RBM22: variants seen among roughly 807,000 people sequenced by gnomAD.
The protein encoded by RBM22 is pre-mRNA-splicing factor RBM22.
RBM22 carries 1 observed loss-of-function variant against 50.1 expected under a neutral mutation model. That is an observed-to-expected ratio of 0.02 (90% CI 0.01 to 0.09). RBM22 has a LOEUF of 0.09. RBM22 is among the 10% of genes least tolerant of loss of function. The pLI, the probability that RBM22 is intolerant of heterozygous loss-of-function variation, is 1.00. For missense variants in RBM22, 264 were observed against 529.3 expected (o/e 0.50, Z 4.92); for synonymous variants, 152 against 179.0 (o/e 0.85, Z 1.20).
chr5:150,700,989 G>C lies in RBM22; in HGVS notation c.-4C>G, dbSNP rs1459651067. 4 of 1,614,116 alleles carry C rather than the reference G, an allele frequency of 2.5e-6. No homozygotes were observed. Among genetic ancestry groups the C allele is most frequent in the Middle Eastern group, 1.6e-4 (1 of 6,084 alleles). On this transcript the variant is annotated 5_prime_UTR_variant, in exon 1 of 11. Coordinates refer to ENST00000199814, the MANE Select transcript of RBM22 (RefSeq NM_018047.3). Reference sequence around the variant, plus strand: ...TGGAACCCAGAGAGGTCGCCATCTTGAGAGCGTCCGGAGGTAGCTGTAGCT... The same window carrying C: ...TGGAACCCAGAGAGGTCGCCATCTTCAGAGCGTCCGGAGGTAGCTGTAGCT...
In RBM22 at chr5:150,696,920, C is replaced by T. The variant is rs1759283086; in HGVS notation, c.272-29G>A. 6.3e-7 allele frequency: 1 copy of T among 1,596,926 alleles called. No individual in the cohort carries two copies. Among genetic ancestry groups the T allele is most frequent in the South Asian group, 1.1e-5 (1 of 90,628 alleles). ...GTACAAAAAAAGAGGAAAAAGACCTCAGATGTATTTTAAAACATATCCATA... is the reference window on the plus strand; with the variant it reads ...GTACAAAAAAAGAGGAAAAAGACCTTAGATGTATTTTAAAACATATCCATA... On this transcript the variant is annotated intron_variant, in intron 4 of 10. Transcript: ENST00000199814. The surrounding 1 kb of genome is among the most constrained non-coding windows in gnomAD (Gnocchi z 4.3).
Position 150,691,687 on chromosome 5 carries a change from C to A in RBM22, c.*64G>T, listed in dbSNP as rs932660096. The stretch of plus-strand genomic sequence containing the variant: ...CAAGGGAAGGAAAAATATATTTATT[C>A]CAAGATTTACTGGGAGTTTTAAGTG... On this transcript the variant is annotated 3_prime_UTR_variant, in exon 11 of 11. Coordinates refer to ENST00000199814, the MANE Select transcript of RBM22 (RefSeq NM_018047.3). 21 of 1,411,684 alleles carry A rather than the reference C, an allele frequency of 1.5e-5. No homozygotes were observed. The highest frequency in any genetic ancestry group is 2.0e-5 in the Non-Finnish European group (21 of 1,067,736). 87.4% of individuals were successfully genotyped at this position (1,411,684 alleles called of 1,614,324 possible). A position where few individuals can be genotyped will look rare whatever the true frequency, so the allele number is the denominator to read the frequency against.
In RBM22 at chr5:150,696,411, G is replaced by T; in HGVS notation, c.545+122C>A. 9.4e-7 allele frequency: 1 copy of T among 1,062,436 alleles called. No individual in the cohort carries two copies. Among genetic ancestry groups the T allele is most frequent in the Non-Finnish European group, 1.4e-6 (1 of 733,000 alleles). 65.8% of individuals were successfully genotyped at this position (1,062,436 alleles called of 1,614,324 possible). A position where few individuals can be genotyped will look rare whatever the true frequency, so the allele number is the denominator to read the frequency against. Reference sequence around the variant, plus strand: ...AAATTTCATAGTTCTAAGACATGAGGTATACCACATTAGTTGTATGACCTT... The same window carrying T: ...AAATTTCATAGTTCTAAGACATGAGTTATACCACATTAGTTGTATGACCTT... On this transcript the variant is annotated intron_variant, in intron 6 of 10. Transcript: ENST00000199814. The surrounding 1 kb of genome is among the most constrained non-coding windows in gnomAD (Gnocchi z 4.3).
Position 150,693,205 on chromosome 5 carries a change from G to A in RBM22, c.1000+14C>T. 6.2e-7 allele frequency: 1 copy of A among 1,605,684 alleles called. No individual in the cohort carries two copies. Among genetic ancestry groups the A allele is most frequent in the Non-Finnish European group, 8.5e-7 (1 of 1,172,910 alleles). ...AGAAAGAGCTTCTGAAGTCAGCAGG[G>A]AGTCTGCACTCACCTCCTGGCAATC... On this transcript the variant is annotated intron_variant, in intron 9 of 10. Coordinates refer to ENST00000199814, the MANE Select transcript of RBM22 (RefSeq NM_018047.3).
At chr5:150,697,424 C>G (rs1345818417) in intron 4 of RBM22, among the ~76,000 whole-genome samples, 2 of 151,808 alleles carry the variant, frequency 1.3e-5, no homozygotes, top group Non-Finnish European at 2.9e-5. Flanking sequence ...GTCTCAAAAA[C>G]AAAAAACAAA....
chr5:150,697,788 C>A, intron 4 of RBM22: 1 of 306,560 alleles, frequency 3.3e-6, no homozygotes, highest in Non-Finnish European at 6.3e-6. Flanking sequence ...GAAAAACAGT[C>A]ACCTATGGTT....
At chr5:150,700,533 T>C (rs774198662) in intron 1 of RBM22, 36 bp from the exon 2 acceptor site, 1 of 1,613,674 alleles carries the variant, frequency 6.2e-7, no homozygotes, top group South Asian at 1.1e-5. Flanking sequence ...AGGACCACCC[T>C]CCGAAGACCC....
chr5:150,696,747 T>A lies in RBM22; in HGVS notation c.373-42A>T. The A allele has an allele frequency of 1.2e-6, 2 of 1,613,718 alleles. No homozygotes were observed. ...AATTCAAAAGATAAATTATACAGAC[T>A]GTGTCAATTCATTAGGATTTTTATC... On this transcript the variant is annotated intron_variant, in intron 5 of 10. Coordinates refer to ENST00000199814, the MANE Select transcript of RBM22 (RefSeq NM_018047.3). The surrounding 1 kb of genome is among the most constrained non-coding windows in gnomAD (Gnocchi z 4.3).
In RBM22 at chr5:150,690,949, C is replaced by T. The variant is rs1175331803; in HGVS notation, c.*802G>A. ...CACGAAGGTGAATGCTGAAGACCAT[C>T]AGAGTCCCAGCAGGAGGTCACGTCT... is the stretch of plus-strand genomic sequence containing the variant. On this transcript the variant is annotated 3_prime_UTR_variant, in exon 11 of 11. Coordinates refer to ENST00000199814, the MANE Select transcript of RBM22 (RefSeq NM_018047.3). The T allele has an allele frequency of 6.6e-6, 1 of 152,332 alleles. No homozygotes were observed. Among genetic ancestry groups the T allele is most frequent in the Admixed American group, 6.5e-5 (1 of 15,280 alleles). 9.4% of individuals were successfully genotyped at this position (152,332 alleles called of 1,614,324 possible).
intron 4 of RBM22, 144 bp from the exon 5 acceptor site, chr5:150,697,035 T>C (rs1759285203): frequency 2.6e-6 from 2 of 774,196 alleles, no homozygotes; most frequent in Admixed American, 5.3e-5. Flanking sequence ...TCAAACTCTT[T>C]AGCACCATCA....
intron 3 of RBM22, 96 bp downstream of exon 3, chr5:150,699,146 T>C: frequency 6.7e-7 from 1 of 1,482,524 alleles, no homozygotes; most frequent in Non-Finnish European, 9.0e-7. Flanking sequence ...CACTGATTTT[T>C]ACTGGAAGAC....
At chr5:150,695,426 A>T in intron 7 of RBM22, 80 bp downstream of exon 7, 1 of 1,168,802 alleles carries the variant, frequency 8.6e-7, no homozygotes, top group Non-Finnish European at 1.2e-6. Context: ...GTACAGAATG[A>T]TCATTCTTGC....
Position 150,691,842 on chromosome 5 carries a change from G to T in RBM22, c.1172C>A (p.Pro391His), listed in dbSNP as rs1379689936. 3 of 1,600,288 alleles carry T rather than the reference G, an allele frequency of 1.9e-6. No individual in the cohort carries two copies. The highest frequency in any genetic ancestry group is 2.6e-6 in the Non-Finnish European group (3 of 1,173,414). The part of the protein sequence containing the change: ...PHMFHPMGPP[P>H]PFMRAPGPIH... ...TGGTCCTGGAGCCCGCATGAAAGGAGGGGGTGGTCCCATTGGGTGGAACAT... is the reference window on the plus strand; with the variant it reads ...TGGTCCTGGAGCCCGCATGAAAGGATGGGGTGGTCCCATTGGGTGGAACAT... The change falls in exon 11 of 11, where the codon CCT becomes CAT. Residue 391 changes from proline (P) to histidine (H), a missense_variant. By Grantham distance (77) the Pro-to-His change is moderately conservative (BLOSUM62 -2). Around this residue, in one of 7 missense-constraint regions of RBM22, gnomAD observed 106 missense variants for 137.1 expected, o/e 0.77. Transcript: ENST00000199814.
At position 150,696,717 on chromosome 5, in the gene RBM22, T is replaced by C. The variant is rs1384856494; in HGVS notation, c.373-12A>G. 2 of 1,614,106 alleles carry C rather than the reference T, an allele frequency of 1.2e-6. No individual in the cohort carries two copies. Among genetic ancestry groups the C allele is most frequent in the Admixed American group, 3.3e-5 (2 of 60,018 alleles). On this transcript the variant is annotated splice_polypyrimidine_tract_variant and intron_variant, in intron 5 of 10. Transcript: ENST00000199814. This position sits in a 1 kb window ranked among gnomAD's most constrained non-coding sequence, Gnocchi z 4.3. ...TCAGAGTTAGAAATCTAAGTGGGGA[T>C]GACAAATTCAAAAGATAAATTATAC...
intron 2 of RBM22, 39 bp from the exon 3 acceptor site, chr5:150,699,310 G>A: frequency 2.6e-6 from 4 of 1,539,306 alleles, no homozygotes; most frequent in Non-Finnish European, 3.5e-6. Flanking sequence ...TGGAGTTACA[G>A]AAAGAAAAAA....
At position 150,700,995 on chromosome 5, in the gene RBM22, G is replaced by T; in HGVS notation, c.-10C>A. 3.7e-6 allele frequency: 6 copies of T among 1,614,208 alleles called. No individual in the cohort carries two copies. The highest frequency in any genetic ancestry group is 5.1e-6 in the Non-Finnish European group (6 of 1,180,038). ...CCAGAGAGGTCGCCATCTTGAGAGC[G>T]TCCGGAGGTAGCTGTAGCTTCCGAA... On this transcript the variant is annotated 5_prime_UTR_variant, in exon 1 of 11. Coordinates refer to ENST00000199814, the MANE Select transcript of RBM22 (RefSeq NM_018047.3).
intron 4 of RBM22, among the ~76,000 whole-genome samples, chr5:150,697,972 T>C (rs1039537820): frequency 5.9e-5 from 9 of 151,794 alleles, no homozygotes; most frequent in Non-Finnish European, 1.0e-4. Context: ...CTGGGCAAAA[T>C]AGTGACACAC....
Position 150,701,014 on chromosome 5 carries a change from T to A in RBM22, c.-29A>T, listed in dbSNP as rs746213213. 1.9e-6 allele frequency: 3 copies of A among 1,614,060 alleles called. No homozygotes were observed. The highest frequency in any genetic ancestry group is 2.5e-6 in the Non-Finnish European group (3 of 1,179,934). On this transcript the variant is annotated 5_prime_UTR_variant, in exon 1 of 11. It adds an upstream start codon to the 5' untranslated region. Coordinates refer to ENST00000199814, the MANE Select transcript of RBM22 (RefSeq NM_018047.3). ...GAGAGCGTCCGGAGGTAGCTGTAGCTTCCGAATTGGGAGAGAGGACCGCCA... is the reference window on the plus strand; with the variant it reads ...GAGAGCGTCCGGAGGTAGCTGTAGCATCCGAATTGGGAGAGAGGACCGCCA...
At position 150,691,356 on chromosome 5, in the gene RBM22, A is replaced by G. The variant is rs1252867263; in HGVS notation, c.*395T>C. On this transcript the variant is annotated 3_prime_UTR_variant, in exon 11 of 11. Transcript: ENST00000199814. Reference sequence around the variant, plus strand: ...AAGATGATAAAAAGGAAAGTATCCAATGGACATAAAAATGGTCAAAGGTTT... The same window carrying G: ...AAGATGATAAAAAGGAAAGTATCCAGTGGACATAAAAATGGTCAAAGGTTT... 6.5e-6 allele frequency: 1 copy of G among 154,804 alleles called. No homozygotes were observed. The highest frequency in any genetic ancestry group is 6.5e-5 in the Admixed American group (1 of 15,338). The allele number at this position is 154,804 out of a possible 1,614,324, so 9.6% of individuals were successfully genotyped here.
Sources: allele counts gnomAD v4.1 joint callset (sites outside exome capture counted in the v4.1 genomes callset), GRCh38; gene constraint gnomAD v4.1.1; regional missense constraint gnomAD v4.1.1; non-coding constraint Gnocchi (gnomAD v3.1); transcripts MANE v1.5; gene names NCBI Gene and HGNC (gene_info 2026-07-23, HGNC 2026-07-21).